The following VEPH1 variants were observed in gnomAD, a reference collection of about 807,000 sequenced individuals.
VEPH1 encodes ventricular zone expressed PH domain containing 1, also known as ventricular zone-expressed PH domain-containing protein homolog 1.
Under a neutral mutation model 85.2 loss-of-function variants are expected in VEPH1, and 80 were observed. That is an observed-to-expected ratio of 0.94 (90% confidence interval 0.78 to 1.13). VEPH1 has a LOEUF of 1.13. VEPH1 is among the 50% of genes most tolerant of loss of function. The pLI, the probability that VEPH1 is intolerant of heterozygous loss-of-function variation, is 0.00. For synonymous variants in VEPH1, 297 were observed against 348.0 expected (o/e 0.85, Z 1.63); for missense variants, 955 against 980.5 (o/e 0.97, Z 0.35).
Position 157,470,299 on chromosome 3 carries a change from T to G in VEPH1, c.354+15A>C. ...AACTCAGTATCAAATAGCCTGATGT[T>G]GAACACTGACATACCTGTAAAATGC... is the stretch of plus-strand genomic sequence containing the variant. On this transcript the variant is annotated intron_variant, in intron 3 of 13. Coordinates refer to ENST00000362010, the MANE Select transcript of VEPH1 (RefSeq NM_001167912.2). 1 of 1,613,628 alleles carries G rather than the reference T, an allele frequency of 6.2e-7. No individual in the cohort carries two copies. Among genetic ancestry groups the G allele is most frequent in the Non-Finnish European group, 8.5e-7 (1 of 1,179,634 alleles).
intron 6 of VEPH1, among the ~76,000 whole-genome samples, chr3:157,394,242 C>T (rs1434912845): frequency 3.3e-5 from 5 of 152,172 alleles, no homozygotes; most frequent in Admixed American, 2.0e-4. Context: ...ATTTTACCTT[C>T]GAGGAATGAA....
chr3:157,369,229 A>G (rs974168232), intron 7 of VEPH1, among the ~76,000 whole-genome samples: 6 of 138,616 alleles, frequency 4.3e-5, no homozygotes, highest in Admixed American at 8.2e-5. Context: ...CCAGATGCCC[A>G]TGAGAGACTG....
At chr3:157,497,324 TCACA>T (rs1739743446) in intron 1 of VEPH1, among the ~76,000 whole-genome samples, 1 of 151,942 alleles carries the variant, frequency 6.6e-6, no homozygotes, top group Non-Finnish European at 1.5e-5. Flanking sequence ...AGCAAGACAG[TCACA>T]GGAGAAGACG....
In VEPH1 at chr3:157,260,998, C is replaced by A; in HGVS notation, c.*136G>T. The A allele has an allele frequency of 7.9e-7, 1 of 1,267,274 alleles. No homozygotes were observed. The highest frequency in any genetic ancestry group is 1.1e-6 in the Non-Finnish European group (1 of 917,802). 78.5% of individuals were successfully genotyped at this position (1,267,274 alleles called of 1,614,324 possible). On this transcript the variant is annotated 3_prime_UTR_variant, in exon 14 of 14. Coordinates refer to ENST00000362010, the MANE Select transcript of VEPH1 (RefSeq NM_001167912.2). ...AAGAATCCTGCCATTTTAGGCCCTT[C>A]TTCTTAAAGGACAACAATTCCATTG...
chr3:157,464,830 C>T lies in VEPH1; in HGVS notation c.355-4475G>A, dbSNP rs372044745. 3.9e-5 allele frequency among the ~76,000 whole-genome samples: 6 copies of T among 152,212 alleles called. No individual in the cohort carries two copies. In the East Asian group the frequency reaches 9.6e-4, roughly 24 times the overall value. ...TTAGGCCTTGAATTCAAGTAAGAAC[C>T]ATAAAAAATGATTAAGCTCAAGAAA... On this transcript the variant is annotated intron_variant, in intron 3 of 13. Transcript: ENST00000362010.
chr3:157,374,585 G>A (rs1727886249), intron 7 of VEPH1, among the ~76,000 whole-genome samples: 1 of 152,218 alleles, frequency 6.6e-6, no homozygotes, highest in Non-Finnish European at 1.5e-5. Flanking sequence ...TGGAAGAGTA[G>A]AGGGACACAG....
intron 1 of VEPH1, among the ~76,000 whole-genome samples, chr3:157,495,977 G>T (rs539329371): frequency 7.6e-4 from 116 of 152,286 alleles, no homozygotes; most frequent in African/African-American, 2.5e-3. Flanking sequence ...CTCTTGGTTG[G>T]GCTGCCTTGC....
At chr3:157,461,081 G>A (rs1735821273) in intron 3 of VEPH1, among the ~76,000 whole-genome samples, 1 of 151,368 alleles carries the variant, frequency 6.6e-6, no homozygotes, top group Non-Finnish European at 1.5e-5. Flanking sequence ...AGATTCAGAG[G>A]AAAAAAAATA....
chr3:157,394,171 C>T (rs766937408), intron 6 of VEPH1, among the ~76,000 whole-genome samples: 8 of 152,104 alleles, frequency 5.3e-5, no homozygotes, highest in Non-Finnish European at 1.0e-4. Flanking sequence ...AGGAAAGTGT[C>T]GACTGTTCAA....
At chr3:157,411,874 A>G (rs1355014481) in intron 6 of VEPH1, among the ~76,000 whole-genome samples, 2 of 152,164 alleles carry the variant, frequency 1.3e-5, no homozygotes, top group Non-Finnish European at 2.9e-5. Flanking sequence ...CTTTCAGGTT[A>G]GCCTTTGATA....
chr3:157,500,233 A>T (rs574817934), intron 1 of VEPH1, among the ~76,000 whole-genome samples: 3 of 152,222 alleles, frequency 2.0e-5, no homozygotes, highest in African/African-American at 7.2e-5. Context: ...TTCTTTAAAC[A>T]GTTAACAGTG....
intron 7 of VEPH1, among the ~76,000 whole-genome samples, chr3:157,380,132 G>A (rs1046643920): frequency 6.6e-6 from 1 of 152,070 alleles, no homozygotes; most frequent in Admixed American, 6.5e-5. Context: ...CACTCTCTCT[G>A]CAAGCCCCAT....
chr3:157,409,666 T>C, intron 6 of VEPH1: 1 of 985,444 alleles, frequency 1.0e-6, no homozygotes, highest in Non-Finnish European at 1.2e-6. Context: ...TATCAAGCTG[T>C]TGAAAACAGT....
At chr3:157,266,617 A>G (rs1004383456) in intron 12 of VEPH1, among the ~76,000 whole-genome samples, 1 of 152,222 alleles carries the variant, frequency 6.6e-6, no homozygotes, top group African/African-American at 2.4e-5. Flanking sequence ...TAGGAAGTCT[A>G]TAAATATTTG....
chr3:157,284,980 C>G (rs1218277916), intron 12 of VEPH1: 1 of 152,110 alleles, frequency 6.6e-6, no homozygotes, highest in African/African-American at 2.4e-5. Flanking sequence ...ACTTTCAGCC[C>G]CTTTTCTGAG....
chr3:157,338,090 C>T (rs960601272), intron 9 of VEPH1, among the ~76,000 whole-genome samples: 8 of 152,090 alleles, frequency 5.3e-5, no homozygotes, highest in Admixed American at 1.3e-4. Flanking sequence ...TATCATCCTT[C>T]CTCCTGATAT....
intron 5 of VEPH1, among the ~76,000 whole-genome samples, chr3:157,423,875 T>A (rs1732537834): frequency 6.6e-6 from 1 of 152,256 alleles, no homozygotes; most frequent in African/African-American, 2.4e-5. Flanking sequence ...GTAATTTGTA[T>A]GTTGAATACA....
At chr3:157,415,785 T>C (rs1731872468) in intron 5 of VEPH1, among the ~76,000 whole-genome samples, 1 of 152,180 alleles carries the variant, frequency 6.6e-6, no homozygotes. Flanking sequence ...CTTTTGCAGC[T>C]GGGATTTTAC....
intron 1 of VEPH1, among the ~76,000 whole-genome samples, chr3:157,502,264 T>G (rs1483695617): frequency 6.6e-6 from 1 of 152,228 alleles, no homozygotes; most frequent in Non-Finnish European, 1.5e-5. Flanking sequence ...GGTGACCTAT[T>G]TAGTCAAGAG....
Sources: gnomAD v4.1 joint callset for allele counts (sites outside exome capture counted in the v4.1 genomes callset) on GRCh38, gnomAD v4.1.1 for gene constraint, MANE v1.5 for transcripts, NCBI Gene and HGNC (gene_info 2026-07-23, HGNC 2026-07-21) for gene names.